Variants in ZNF566 observed in about 807,000 individuals in gnomAD.
The protein encoded by ZNF566 is zinc finger protein 566.
In ZNF566, 27 loss-of-function variants were observed where a neutral mutation model predicts 32.8. The observed-to-expected ratio is 0.82, with a 90% CI of 0.61 to 1.14. The LOEUF is 1.14. Among genes scored for constraint, ZNF566 ranks in the 50% most tolerant of loss-of-function variants. The pLI, the probability that ZNF566 is intolerant of heterozygous loss-of-function variation, is 0.00. For synonymous variants in ZNF566, 154 were observed against 159.5 expected, an observed-to-expected ratio of 0.97 and a Z score of 0.26; for missense variants, 402 against 490.4, an observed-to-expected ratio of 0.82 and a Z score of 1.70.
Position 36,476,610 on chromosome 19 carries a change from G to C in ZNF566, c.-53C>G. On this transcript the variant is annotated 5_prime_UTR_variant, in exon 2 of 5. Transcript: ENST00000452939. ...TCTCTTGGCTCTTCTTTTGGAGAAG[G>C]GTAGAGCTGGGAGAGGCAAAAGAAG... 1 of 1,611,478 alleles carries C rather than the reference G, an allele frequency of 6.2e-7. No homozygotes were observed. The highest frequency in any genetic ancestry group is 2.2e-5 in the East Asian group (1 of 44,782).
At chr19:36,483,802 C>T (rs982548797) in intron 1 of ZNF566, among the ~76,000 whole-genome samples, 14 of 151,998 alleles carry the variant, frequency 9.2e-5, no homozygotes, top group Admixed American at 7.9e-4. Flanking sequence ...AGGGATGCCT[C>T]GTGGTCAGAA....
At position 36,468,046 on chromosome 19, in the gene ZNF566, G is replaced by A. The variant is rs546482816; in HGVS notation, c.232+4865C>T. ...ACTAAAAATACAAAATTAGCCGGGC[G>A]TGGTGGCGCATGCCTGTAATCCCAG... is the stretch of plus-strand genomic sequence containing the variant. On this transcript the variant is annotated intron_variant, in intron 4 of 4. Transcript: ENST00000452939. Among the ~76,000 whole-genome samples, 87 of 150,916 alleles carry A rather than the reference G, an allele frequency of 5.8e-4. 1 individual carries two copies. Among genetic ancestry groups the A allele is most frequent in the Non-Finnish European group, 9.6e-4 (65 of 67,882 alleles).
intron 4 of ZNF566, among the ~76,000 whole-genome samples, chr19:36,450,754 C>G (rs570151101): frequency 4.9e-4 from 74 of 152,220 alleles, no homozygotes; most frequent in Non-Finnish European, 9.4e-4. Context: ...GATCAGTAAA[C>G]TATGGCCTAT....
intron 4 of ZNF566, among the ~76,000 whole-genome samples, chr19:36,455,732 T>C (rs2033286552): frequency 6.6e-6 from 1 of 150,846 alleles, no homozygotes; most frequent in South Asian, 2.1e-4. Flanking sequence ...AGAGCGAGAC[T>C]CTGTCTCAAA....
At chr19:36,470,309 A>G (rs756744823) in intron 4 of ZNF566, among the ~76,000 whole-genome samples, 1 of 151,988 alleles carries the variant, frequency 6.6e-6, no homozygotes, top group Non-Finnish European at 1.5e-5. Flanking sequence ...AAGCAAACCC[A>G]CCCTTGATTT....
chr19:36,482,168 C>T (rs1045285697), intron 1 of ZNF566, among the ~76,000 whole-genome samples: 5 of 152,130 alleles, frequency 3.3e-5, no homozygotes, highest in Non-Finnish European at 5.9e-5. Flanking sequence ...TGCAGTGGCG[C>T]GATCTCGGCT....
intron 4 of ZNF566, among the ~76,000 whole-genome samples, chr19:36,469,685 A>G (rs2033715577): frequency 6.6e-6 from 1 of 152,256 alleles, no homozygotes; most frequent in Non-Finnish European, 1.5e-5. Flanking sequence ...ATAAAAATTA[A>G]CCATTCTTAA....
In ZNF566 at chr19:36,448,998, C is replaced by G; in HGVS notation, c.1236G>C (p.Gln412His). Reference sequence around the variant, plus strand: ...TTCATCACCAGTACAAATTTTGATGCTGAATAAGTTGTGGGTCATAATTAA... The same window carrying G: ...TTCATCACCAGTACAAATTTTGATGGTGAATAAGTTGTGGGTCATAATTAA... ...KNFNYDPQLI[Q>H]HQNLYW Residue 412 changes from glutamine to histidine, a missense_variant, in exon 5 of 5, where the codon CAG becomes CAC. Transcript: ENST00000452939. 1 of 1,585,640 alleles carries G rather than the reference C, an allele frequency of 6.3e-7. No homozygotes were observed. Among genetic ancestry groups the G allele is most frequent in the Non-Finnish European group, 8.6e-7 (1 of 1,168,848 alleles).
At chr19:36,451,771 G>A (rs886739859) in intron 4 of ZNF566, among the ~76,000 whole-genome samples, 5 of 152,156 alleles carry the variant, frequency 3.3e-5, no homozygotes, top group Admixed American at 2.6e-4. Context: ...ACTCTGCGGG[G>A]CCGAGGCGGG....
In ZNF566 at chr19:36,448,895, T is replaced by C; in HGVS notation, c.*82A>G. ...AATAAAATGTTTCTACATTATTCTA[T>C]CTAGAGGAATTATTAACAAGATAAA... On this transcript the variant is annotated 3_prime_UTR_variant, in exon 5 of 5. Coordinates refer to ENST00000452939, the MANE Select transcript of ZNF566 (RefSeq NM_001145344.1). 5 of 1,175,524 alleles carry C rather than the reference T, an allele frequency of 4.3e-6. No individual in the cohort carries two copies. The highest frequency in any genetic ancestry group is 4.7e-6 in the Non-Finnish European group (4 of 849,454). The allele number at this position is 1,175,524 out of a possible 1,614,324, so 72.8% of individuals were successfully genotyped here.
At chr19:36,473,167 A>C in intron 3 of ZNF566, 161 bp from the exon 4 acceptor site, 1 of 1,076,814 alleles carries the variant, frequency 9.3e-7, no homozygotes, top group African/African-American at 1.6e-5. Context: ...CATCCCCAAA[A>C]ACTCAATGCA....
At chr19:36,459,819 CTTTTT>C (rs77529506) in intron 4 of ZNF566, among the ~76,000 whole-genome samples, 1 of 135,262 alleles carries the variant, frequency 7.4e-6, no homozygotes, top group African/African-American at 2.7e-5. Flanking sequence ...CCACCTATTA[CTTTTT>C]TTTTTTTTTT....
At chr19:36,477,526 G>GGTTTTTTTT (rs2033919341) in intron 1 of ZNF566, among the ~76,000 whole-genome samples, 1 of 107,022 alleles carries the variant, frequency 9.3e-6, no homozygotes, top group African/African-American at 3.8e-5. Flanking sequence ...TTCTGTTTCT[G>GGTTTTTTTT]TTTTTTTTTT....
At chr19:36,465,209 C>T (rs1327889913) in intron 4 of ZNF566, among the ~76,000 whole-genome samples, 1 of 151,954 alleles carries the variant, frequency 6.6e-6, no homozygotes, top group African/African-American at 2.4e-5. Context: ...TCATACTCAC[C>T]AATCAGATTA....
chr19:36,449,776 C>T lies in ZNF566; in HGVS notation c.458G>A (p.Ser153Asn), dbSNP rs1235532588. ...CTGTAATGTGAAGGATGGATGGTGA[C>T]TCAAAGTGGGCAGATCTTCATGAGT... ...VFTHEDLPTL[S>N]HHPSFTLQQI... Residue 153 changes from serine to asparagine, a missense_variant, in exon 5 of 5, where the codon AGT becomes AAT. Ser to Asn is a conservative substitution (Grantham distance 46). Transcript: ENST00000452939. 4 of 1,614,118 alleles carry T rather than the reference C, an allele frequency of 2.5e-6. No homozygotes were observed. The South Asian group carries it at 4.4e-5, about 18-fold the overall frequency.
chr19:36,475,902 C>A (rs529094013), intron 2 of ZNF566, among the ~76,000 whole-genome samples: 61 of 152,146 alleles, frequency 4.0e-4, no homozygotes, highest in South Asian at 1.2e-3. Context: ...AATAAGTATT[C>A]TTGATGAAAC....
chr19:36,454,803 C>T (rs986923344), intron 4 of ZNF566, among the ~76,000 whole-genome samples: 1 of 152,104 alleles, frequency 6.6e-6, no homozygotes, highest in Non-Finnish European at 1.5e-5. Flanking sequence ...CTATCAAACA[C>T]TTAAAGAAGA....
chr19:36,481,332 G>A (rs1242050989), intron 1 of ZNF566, among the ~76,000 whole-genome samples: 3 of 150,352 alleles, frequency 2.0e-5, no homozygotes, highest in African/African-American at 7.3e-5. Flanking sequence ...TTAGCTGGGC[G>A]TGGCGGCACG....
At chr19:36,454,568 A>C (rs557250649) in intron 4 of ZNF566, among the ~76,000 whole-genome samples, 84 of 152,280 alleles carry the variant, frequency 5.5e-4, no homozygotes, top group African/African-American at 2.0e-3. Flanking sequence ...CAACAACAAC[A>C]ACACAAAAGA....
Sources: gnomAD v4.1 joint callset for allele counts (sites outside exome capture counted in the v4.1 genomes callset) on GRCh38, gnomAD v4.1.1 for gene constraint, MANE v1.5 for transcripts, NCBI Gene and HGNC (gene_info 2026-07-23, HGNC 2026-07-21) for gene names.